MPHOSPH9: variants seen among roughly 807,000 people sequenced by gnomAD.
The protein encoded by MPHOSPH9 is M-phase phosphoprotein 9.
In MPHOSPH9, 88 loss-of-function variants were observed where a neutral mutation model predicts 145.5. The ratio of observed to expected loss-of-function variants is 0.60; its 90% CI spans 0.51 to 0.72. The LOEUF (loss-of-function observed/expected upper bound fraction) is 0.72, where lower values mean the gene tolerates loss of function less well. MPHOSPH9 is among the 30% of genes least tolerant of loss of function. The pLI, the probability that MPHOSPH9 is intolerant of heterozygous loss-of-function variation, is 0.00. For missense variants in MPHOSPH9, 1,238 were observed against 1,386.6 expected, an observed-to-expected ratio of 0.89 and a Z score of 1.70; for synonymous variants, 435 against 486.2, an observed-to-expected ratio of 0.89 and a Z score of 1.39.
chr12:123,209,698 C>T lies in MPHOSPH9; in HGVS notation c.1194+358G>A, dbSNP rs2046614416. Among the ~76,000 whole-genome samples the T allele has an allele frequency of 2.0e-5, 3 of 151,732 alleles. No homozygotes were observed. The South Asian group carries it at 6.2e-4, about 32-fold the overall frequency. On this transcript the variant is annotated intron_variant, in intron 8 of 23. Transcript: ENST00000606320. ...GTGCCGAGATTACAGGATTACAGGCCACCACGCCCAGTCCACGGTGTGTGT... is the reference window on the plus strand; with the variant it reads ...GTGCCGAGATTACAGGATTACAGGCTACCACGCCCAGTCCACGGTGTGTGT...
upstream of MPHOSPH9, among the ~76,000 whole-genome samples, chr12:123,235,664 G>A (rs534092803): frequency 4.6e-5 from 7 of 151,316 alleles, no homozygotes; most frequent in Non-Finnish European, 1.0e-4. Context: ...GAGCCACCGC[G>A]CTCGGCCTGG....
At chr12:123,226,671 C>T (rs2047449998) in intron 3 of MPHOSPH9, among the ~76,000 whole-genome samples, 5 of 151,988 alleles carry the variant, frequency 3.3e-5, no homozygotes, top group Admixed American at 2.6e-4. Context: ...GTCTGTCACC[C>T]AGGCTGGAGT....
intron 13 of MPHOSPH9, 47 bp downstream of exon 13, chr12:123,194,339 T>G: frequency 8.9e-7 from 1 of 1,124,552 alleles, no homozygotes; most frequent in Non-Finnish European, 1.3e-6. Flanking sequence ...ATACCTAAAT[T>G]ACTTTTAGCC....
chr12:123,154,037 T>C (rs1310438062), downstream of MPHOSPH9, among the ~76,000 whole-genome samples: 1 of 152,092 alleles, frequency 6.6e-6, no homozygotes, highest in Non-Finnish European at 1.5e-5. Context: ...GCTACATCTG[T>C]TGCTTCAGTT....
At chr12:123,240,305 C>T (rs892248463) in intron 1 of MPHOSPH9, among the ~76,000 whole-genome samples, 6 of 150,730 alleles carry the variant, frequency 4.0e-5, no homozygotes, top group Admixed American at 3.3e-4. Flanking sequence ...ACCCGGGAGG[C>T]GGAGGTTGCA....
At chr12:123,182,249 G>GTTTTTTTTTTTT (rs72067812) in intron 13 of MPHOSPH9, among the ~76,000 whole-genome samples, 2 of 137,268 alleles carry the variant, frequency 1.5e-5, no homozygotes. Flanking sequence ...TTTTTTTTGT[G>GTTTTTTTTTTTT]TTTTTTTTTT....
Position 123,224,095 on chromosome 12 carries a change from C to T in MPHOSPH9, c.259-968G>A, listed in dbSNP as rs1218978695. On this transcript the variant is annotated intron_variant, in intron 3 of 23. Coordinates refer to ENST00000606320, the MANE Select transcript of MPHOSPH9 (RefSeq NM_022782.4). ...GATTACAGACATGTGTCACCATGTT[C>T]GGCTAATTGCTAATTTATATATATA... Among the ~76,000 whole-genome samples, 7 of 136,980 alleles carry T rather than the reference C, an allele frequency of 5.1e-5. No individual in the cohort carries two copies. In the East Asian group the frequency reaches 1.9e-3, roughly 37 times the overall value. The allele number at this position is 136,980 out of a possible 152,430, so 89.9% of individuals were successfully genotyped here. A position where few individuals can be genotyped will look rare whatever the true frequency, so the allele number is the denominator to read the frequency against.
intron 17 of MPHOSPH9, among the ~76,000 whole-genome samples, chr12:123,165,901 G>A (rs2044298243): frequency 6.6e-6 from 1 of 152,196 alleles, no homozygotes; most frequent in South Asian, 2.1e-4. Context: ...GTTGTTAGGG[G>A]AATAACAGAG....
intron 3 of MPHOSPH9, among the ~76,000 whole-genome samples, chr12:123,224,106 T>C (rs1211198420): frequency 7.4e-6 from 1 of 135,490 alleles, no homozygotes; most frequent in Non-Finnish European, 1.6e-5. Flanking sequence ...GGCTAATTGC[T>C]AATTTATATA....
chr12:123,161,244 C>T lies in MPHOSPH9; in HGVS notation c.3273G>A (p.Lys1091=). 6.2e-7 allele frequency: 1 copy of T among 1,614,150 alleles called. No individual in the cohort carries two copies. The highest frequency in any genetic ancestry group is 8.5e-7 in the Non-Finnish European group (1 of 1,180,032). The change falls in exon 22 of 24, where the codon AAG becomes AAA. Residue 1091 remains lysine, a synonymous_variant. Transcript: ENST00000606320. ...TCCCCTGTGGAGTGACTGAAACCGG[C>T]TTACACTGTTCGTAGCTAACTGATT... ...KNKSVSYEQC[K]PVSVTPQGND... is the part of the protein sequence containing the mutation.
rs1422092500 is a variant in MPHOSPH9 at position 123,210,150 on chromosome 12, C to T, written c.1100G>A (p.Trp367Ter). 1.3e-6 allele frequency: 2 copies of T among 1,599,840 alleles called. No homozygotes were observed. Among genetic ancestry groups the T allele is most frequent in the Non-Finnish European group, 1.7e-6 (2 of 1,172,200 alleles). Residue 367 changes from tryptophan (W) to a stop codon, truncating the protein, a stop_gained, in exon 8 of 24, where the codon TGG (tryptophan) becomes TAG (stop). Transcript: ENST00000606320. LOFTEE classifies it high-confidence loss of function. ...MSDSGTGLTYWKLEEKDMHHS... is the reference protein window; with the variant it reads ...MSDSGTGLTY ...GTGCATATCCTTTTCCTCTAGTTTC[C>T]AGTAAGTCAATCCTGATGTGCACAA...
rs1386109584 is a variant in MPHOSPH9 at position 123,156,662 on chromosome 12, TATAAA to T, written c.*140_*144del. ...CTTGAAAATATGTGGCCATTTGAAG[TATAAA>T]ATAGCAAGTGTAAGAATAGCATGAT... On this transcript the variant is annotated 3_prime_UTR_variant, in exon 24 of 24. Transcript: ENST00000606320. 2 of 485,548 alleles carry T rather than the reference TATAAA, an allele frequency of 4.1e-6. No homozygotes were observed. Among genetic ancestry groups the T allele is most frequent in the African/African-American group, 3.9e-5 (2 of 51,720 alleles). The allele number at this position is 485,548 out of a possible 1,614,324, so 30.1% of individuals were successfully genotyped here.
chr12:123,205,391 C>T (rs2046383471), intron 8 of MPHOSPH9, among the ~76,000 whole-genome samples: 1 of 152,112 alleles, frequency 6.6e-6, no homozygotes, highest in Non-Finnish European at 1.5e-5. Context: ...ACTAAAAACA[C>T]AAAAATTAGC....
intron 7 of MPHOSPH9, among the ~76,000 whole-genome samples, chr12:123,214,424 A>G (rs1358401390): frequency 6.6e-6 from 1 of 152,112 alleles, no homozygotes; most frequent in East Asian, 1.9e-4. Flanking sequence ...TGTCCCAGCT[A>G]TTCTTGGGAA....
chr12:123,201,564 G>A (rs895720725), intron 11 of MPHOSPH9, among the ~76,000 whole-genome samples: 1 of 151,922 alleles, frequency 6.6e-6, no homozygotes, highest in African/African-American at 2.4e-5. Flanking sequence ...ATTTTTTGTA[G>A]AGACAGGGTT....
chr12:123,161,357 C>A lies in MPHOSPH9; in HGVS notation c.3160G>T (p.Asp1054Tyr), dbSNP rs201364928. ...CAAGAGCTATGATTAACATGGTTAT[C>A]GGTGGCTTTCTCAGAATAAGTTTTT... The part of the protein sequence containing the change: ...EEKTYSEKAT[D>Y]NHVNHSSCPE... Residue 1054 changes from aspartate to tyrosine, a missense_variant, in exon 22 of 24, where the codon GAT (aspartate) becomes TAT (tyrosine). Coordinates refer to ENST00000606320, the MANE Select transcript of MPHOSPH9 (RefSeq NM_022782.4). The A allele has an allele frequency of 5.6e-6, 9 of 1,613,944 alleles. No individual in the cohort carries two copies. The East Asian group carries it at 1.8e-4, about 32-fold the overall frequency.
chr12:123,188,623 G>A (rs1025324135), intron 13 of MPHOSPH9, among the ~76,000 whole-genome samples: 3 of 152,080 alleles, frequency 2.0e-5, no homozygotes, highest in African/African-American at 4.8e-5. Flanking sequence ...TGAGGTGGGC[G>A]GATCACCTGA....
intron 15 of MPHOSPH9, among the ~76,000 whole-genome samples, chr12:123,177,843 C>T (rs1162618725): frequency 1.7e-5 from 2 of 120,510 alleles, no homozygotes; most frequent in African/African-American, 2.6e-5. Flanking sequence ...AGAACTTTTA[C>T]CAAAAAAATT....
At chr12:123,234,857 G>A (rs1278597126), upstream of MPHOSPH9, among the ~76,000 whole-genome samples, 10 of 152,062 alleles carry the variant, frequency 6.6e-5, no homozygotes, top group Non-Finnish European at 1.5e-4. Context: ...TATATTTTTG[G>A]CATCACAGTG....
Sources: allele counts gnomAD v4.1 joint callset (sites outside exome capture counted in the v4.1 genomes callset), GRCh38; gene constraint gnomAD v4.1.1; transcripts MANE v1.5; gene names NCBI Gene and HGNC (gene_info 2026-07-23, HGNC 2026-07-21).